Variants in CARMIL1 observed in about 807,000 individuals in gnomAD.
CARMIL1 encodes the protein F-actin-uncapping protein LRRC16A.
Under a neutral mutation model 177.1 loss-of-function variants are expected in CARMIL1, and 90 were observed. The ratio of observed to expected loss-of-function variants is 0.51; its 90% CI spans 0.43 to 0.61. The LOEUF (loss-of-function observed/expected upper bound fraction) is 0.61. Ranked by LOEUF, CARMIL1 falls within the 20% of genes least tolerant of loss-of-function variation. The probability of loss-of-function intolerance (pLI) is 0.00; values close to 1 mark genes in which losing one functional copy is unlikely to be tolerated. For missense variants in CARMIL1, 1,380 were observed against 1,667.0 expected (o/e 0.83, Z 3.00); for synonymous variants, 577 against 606.2 (o/e 0.95, Z 0.71).
intron 2 of CARMIL1, among the ~76,000 whole-genome samples, chr6:25,386,737 C>T (rs1175970356): frequency 3.3e-5 from 5 of 152,078 alleles, no homozygotes; most frequent in Non-Finnish European, 7.3e-5. Flanking sequence ...GTCATATAAA[C>T]ACTGGTCATT....
Position 25,515,714 on chromosome 6 carries a change from A to G in CARMIL1, c.1672A>G (p.Thr558Ala). Residue 558 changes from threonine to alanine, a missense_variant, in exon 21 of 37, where the codon ACT (threonine) becomes GCT (alanine). Physicochemically the swap from Thr to Ala is moderately conservative, Grantham distance 58. Transcript: ENST00000329474. This position sits in a 1 kb window ranked among gnomAD's most constrained non-coding sequence, Gnocchi z 5.0. Reference sequence around the variant, plus strand: ...GTCCCTGGCTGACTCGAAACTCAAGACTGAGGTCACCATCATCATCAATGC... The same window carrying G: ...GTCCCTGGCTGACTCGAAACTCAAGGCTGAGGTCACCATCATCATCAATGC... ...SLSLADSKLKTEVTIIINALG... is the reference protein window; with the variant it reads ...SLSLADSKLKAEVTIIINALG... The G allele has an allele frequency of 6.2e-7, 1 of 1,609,204 alleles. No homozygotes were observed. Among genetic ancestry groups the G allele is most frequent in the Non-Finnish European group, 8.5e-7 (1 of 1,178,038 alleles).
intron 29 of CARMIL1, among the ~76,000 whole-genome samples, chr6:25,576,703 C>A (rs1053529462): frequency 3.3e-5 from 5 of 152,132 alleles, no homozygotes; most frequent in African/African-American, 1.2e-4. Flanking sequence ...ACACACCTAG[C>A]AAGAGACATA....
At position 25,604,885 on chromosome 6, in the gene CARMIL1, G is replaced by A; in HGVS notation, c.3626G>A (p.Gly1209Asp). Reference protein sequence around the residue: ...ALSGVERSDGGGAVPKLHPGL... With the variant: ...ALSGVERSDGDGAVPKLHPGL... The stretch of plus-strand genomic sequence containing the variant: ...AGCGGCGTAGAACGGTCGGATGGAG[G>A]TGGGGCAGGTAAGTCAGGCCATTGC... Residue 1209 changes from glycine to aspartate, a missense_variant, in exon 34 of 37, where the codon GGT becomes GAT. Coordinates refer to ENST00000329474, the MANE Select transcript of CARMIL1 (RefSeq NM_017640.6). 1 of 1,592,664 alleles carries A rather than the reference G, an allele frequency of 6.3e-7. No homozygotes were observed. The highest frequency in any genetic ancestry group is 2.3e-5 in the East Asian group (1 of 44,028).
intron 26 of CARMIL1, among the ~76,000 whole-genome samples, chr6:25,548,153 A>C (rs182368808): frequency 7.9e-4 from 121 of 152,344 alleles, no homozygotes; most frequent in African/African-American, 2.8e-3. Flanking sequence ...CATCTACCAG[A>C]TACTTCAGGG....
chr6:25,459,258 CTTTCTTTCTTTT>C (rs1449018276), intron 8 of CARMIL1, among the ~76,000 whole-genome samples: 6 of 109,988 alleles, frequency 5.5e-5, no homozygotes, highest in African/African-American at 1.5e-4. Context: ...TTCTTTCTTT[CTTTCTTTCTTTT>C]TTTTTTTTTT....
chr6:25,474,239 C>T (rs1375418451), intron 11 of CARMIL1, among the ~76,000 whole-genome samples: 1 of 151,578 alleles, frequency 6.6e-6, no homozygotes, highest in Non-Finnish European at 1.5e-5. Flanking sequence ...TCCCGAGTAG[C>T]TGGGACTACA....
At chr6:25,606,356 AG>A in intron 35 of CARMIL1, 83 bp downstream of exon 35, 1 of 1,327,158 alleles carries the variant, frequency 7.5e-7, no homozygotes, top group Non-Finnish European at 1.0e-6. Context: ...AGGTGGTTTC[AG>A]GGGCAGCTGG....
chr6:25,410,428 T>G (rs1295221597), intron 2 of CARMIL1, among the ~76,000 whole-genome samples: 1 of 152,196 alleles, frequency 6.6e-6, no homozygotes, highest in African/African-American at 2.4e-5. Context: ...ATGTATTATC[T>G]CAGGTGAGGA....
intron 2 of CARMIL1, among the ~76,000 whole-genome samples, chr6:25,376,865 C>T (rs1190541196): frequency 1.3e-5 from 2 of 152,116 alleles, no homozygotes; most frequent in African/African-American, 4.8e-5. Context: ...GCAGCTGGGG[C>T]AGCTCTCAGT....
At chr6:25,287,488 G>A (rs1223002903) in intron 2 of CARMIL1, 1 of 152,836 alleles carries the variant, frequency 6.5e-6, no homozygotes, top group East Asian at 1.9e-4. Flanking sequence ...AATCTATAAT[G>A]AGTTGTGATC....
intron 23 of CARMIL1, among the ~76,000 whole-genome samples, chr6:25,520,923 C>A (rs937845905): frequency 2.0e-5 from 3 of 152,162 alleles, no homozygotes; most frequent in African/African-American, 7.2e-5. Flanking sequence ...CTTCATCCTT[C>A]TCTTTTTATG....
chr6:25,442,772 A>G (rs1439067465), intron 5 of CARMIL1, among the ~76,000 whole-genome samples: 1 of 152,160 alleles, frequency 6.6e-6, no homozygotes, highest in Non-Finnish European at 1.5e-5. Flanking sequence ...AGCTACTTGA[A>G]AAGGCCCCGC....
At chr6:25,290,026 T>G (rs1781817328) in intron 2 of CARMIL1, among the ~76,000 whole-genome samples, 1 of 152,192 alleles carries the variant, frequency 6.6e-6, no homozygotes, top group Admixed American at 6.5e-5. Context: ...GGCTGTACCA[T>G]TATATGGTTT....
chr6:25,377,203 G>T lies in CARMIL1; in HGVS notation c.139-42911G>T, dbSNP rs75007449. 9.1e-3 allele frequency among the ~76,000 whole-genome samples: 1,388 copies of T among 152,298 alleles called. 13 individuals are homozygous for T. The highest frequency in any genetic ancestry group is 0.03 in the African/African-American group (1,233 of 41,546). On this transcript the variant is annotated intron_variant, in intron 2 of 36. Transcript: ENST00000329474. The stretch of plus-strand genomic sequence containing the variant: ...CAGCTATGTCGATAGTGGATGAAGA[G>T]GAGAAGAAATCACCTTCTCCAAGAC...
Position 25,330,237 on chromosome 6 carries a change from C to T in CARMIL1, c.138+45328C>T, listed in dbSNP as rs569909348. On this transcript the variant is annotated intron_variant, in intron 2 of 36. Coordinates refer to ENST00000329474, the MANE Select transcript of CARMIL1 (RefSeq NM_017640.6). Reference sequence around the variant, plus strand: ...ATTATAGACTGGCGTTGGCCCAGTGCAGGGCTAGAGGGATGCTCCATGGTG... The same window carrying T: ...ATTATAGACTGGCGTTGGCCCAGTGTAGGGCTAGAGGGATGCTCCATGGTG... Among the ~76,000 whole-genome samples the T allele has an allele frequency of 2.6e-5, 4 of 152,256 alleles. No individual in the cohort carries two copies. The South Asian group carries it at 8.3e-4, about 32-fold the overall frequency.
intron 2 of CARMIL1, among the ~76,000 whole-genome samples, chr6:25,332,356 A>AATGG (rs2150284722): frequency 6.6e-6 from 1 of 152,274 alleles, no homozygotes; most frequent in Non-Finnish European, 1.5e-5. Flanking sequence ...GGTAGGCAAA[A>AATGG]ATGGAAGTGG....
At chr6:25,507,224 C>G (rs1381141913) in intron 17 of CARMIL1, among the ~76,000 whole-genome samples, 2 of 152,104 alleles carry the variant, frequency 1.3e-5, no homozygotes, top group African/African-American at 2.4e-5. Flanking sequence ...AAAGCTTTTA[C>G]TGTTTTGGGA....
chr6:25,607,533 A>G (rs989670499), intron 35 of CARMIL1, among the ~76,000 whole-genome samples: 1 of 152,172 alleles, frequency 6.6e-6, no homozygotes, highest in Admixed American at 6.5e-5. Context: ...GTGTCTGTGT[A>G]GCCGCCAGAT....
chr6:25,540,165 A>G, intron 26 of CARMIL1, 87 bp downstream of exon 26: 1 of 1,239,866 alleles, frequency 8.1e-7, no homozygotes. Flanking sequence ...TCTATGTTTT[A>G]TAGACTTGTA....
Sources: gnomAD v4.1 joint callset for allele counts (sites outside exome capture counted in the v4.1 genomes callset) on GRCh38, gnomAD v4.1.1 for gene constraint, Gnocchi (gnomAD v3.1) non-coding constraint, MANE v1.5 for transcripts, NCBI Gene and HGNC (gene_info 2026-07-23, HGNC 2026-07-21) for gene names.